Variants in STXBP4 observed in about 807,000 individuals in gnomAD.
STXBP4 encodes the protein syntaxin binding protein 4, also known as syntaxin-binding protein 4.
Under a neutral mutation model 76.1 loss-of-function variants are expected in STXBP4, and 55 were observed. The ratio of observed to expected loss-of-function variants is 0.72; its 90% CI spans 0.58 to 0.91. The LOEUF is 0.91. STXBP4 is among the 40% of genes least tolerant of loss of function. STXBP4 has a pLI of 0.00. For missense variants in STXBP4, 618 were observed against 636.9 expected, an observed-to-expected ratio of 0.97 and a Z score of 0.32; for synonymous variants, 201 against 220.2, an observed-to-expected ratio of 0.91 and a Z score of 0.77.
chr17:55,106,861 C>G (rs2079641442), intron 16 of STXBP4, among the ~76,000 whole-genome samples: 1 of 152,158 alleles, frequency 6.6e-6, no homozygotes. Context: ...TCTGGCTGCC[C>G]TTAACATTGT....
At chr17:55,138,052 A>G (rs1281448482) in intron 16 of STXBP4, among the ~76,000 whole-genome samples, 1 of 152,026 alleles carries the variant, frequency 6.6e-6, no homozygotes, top group African/African-American at 2.4e-5. Flanking sequence ...GTTATTTGTT[A>G]TTAATCTTAT....
chr17:55,131,407 T>C (rs1328217595), intron 16 of STXBP4, among the ~76,000 whole-genome samples: 1 of 152,210 alleles, frequency 6.6e-6, no homozygotes, highest in Non-Finnish European at 1.5e-5. Context: ...ATTTATGAAA[T>C]CACCTTGAGA....
At chr17:55,025,066 A>T (rs188296404) in intron 8 of STXBP4, among the ~76,000 whole-genome samples, 1 of 150,462 alleles carries the variant, frequency 6.6e-6, no homozygotes, top group Non-Finnish European at 1.5e-5. Context: ...GCATGAACCC[A>T]GGAGGCGGAG....
chr17:55,197,314 T>G, the STXBP4 span, among the ~76,000 whole-genome samples: 1 of 152,146 alleles, frequency 6.6e-6, no homozygotes, highest in East Asian at 1.9e-4. Flanking sequence ...AACATGAAAG[T>G]GACCAATGGG....
intron 17 of STXBP4, among the ~76,000 whole-genome samples, chr17:55,145,204 C>A (rs889103015): frequency 9.2e-5 from 14 of 152,190 alleles, no homozygotes; most frequent in African/African-American, 3.1e-4. Context: ...TTTTAATCTT[C>A]ATTCTCTTAC....
At chr17:54,972,432 A>G (rs1598136491) in intron 1 of STXBP4, among the ~76,000 whole-genome samples, 1 of 152,200 alleles carries the variant, frequency 6.6e-6, no homozygotes, top group Non-Finnish European at 1.5e-5. Context: ...TTTCCTTGCT[A>G]TACCATATAT....
intron 11 of STXBP4, among the ~76,000 whole-genome samples, chr17:55,046,640 A>C (rs979465890): frequency 6.6e-6 from 1 of 151,936 alleles, no homozygotes; most frequent in Non-Finnish European, 1.5e-5. Context: ...ATGCCTTTTC[A>C]TGGATAATCT....
chr17:55,193,372 CAA>C, the STXBP4 span, among the ~76,000 whole-genome samples: 4 of 151,928 alleles, frequency 2.6e-5, no homozygotes, highest in Non-Finnish European at 5.9e-5. Context: ...TGAAAGCAGG[CAA>C]AAAAGTTTGG....
At chr17:55,113,586 A>G (rs923110809) in intron 16 of STXBP4, among the ~76,000 whole-genome samples, 5 of 152,092 alleles carry the variant, frequency 3.3e-5, no homozygotes, top group Non-Finnish European at 7.4e-5. Context: ...CATAAGAGGG[A>G]AAATGTTAGT....
chr17:54,990,664 C>A (rs575299745), intron 3 of STXBP4, among the ~76,000 whole-genome samples, 161 bp from the exon 4 acceptor site: 49 of 152,292 alleles, frequency 3.2e-4, no homozygotes, highest in South Asian at 6.2e-4. Context: ...CCTCTCCCCC[C>A]ACCTTGGAAA....
At chr17:55,056,196 T>G (rs2078920754) in intron 12 of STXBP4, among the ~76,000 whole-genome samples, 1 of 152,298 alleles carries the variant, frequency 6.6e-6, no homozygotes, top group East Asian at 1.9e-4. Context: ...AATTTTAATA[T>G]ATTTTATTTA....
chr17:55,050,713 G>A (rs1274161598), intron 12 of STXBP4, among the ~76,000 whole-genome samples: 2 of 152,132 alleles, frequency 1.3e-5, no homozygotes, highest in Non-Finnish European at 2.9e-5. Context: ...TTCCATCCAG[G>A]CTGTAGTGCA....
At chr17:55,055,288 A>G (rs2078909679) in intron 12 of STXBP4, among the ~76,000 whole-genome samples, 1 of 152,168 alleles carries the variant, frequency 6.6e-6, no homozygotes, top group Admixed American at 6.6e-5. Flanking sequence ...GAGGACTGCC[A>G]TTTAAAATAT....
intron 12 of STXBP4, among the ~76,000 whole-genome samples, chr17:55,062,087 C>CTT (rs548684659): frequency 1.4e-5 from 2 of 144,058 alleles, no homozygotes; most frequent in African/African-American, 5.1e-5. Flanking sequence ...TCTTAAAAGG[C>CTT]TTTTTTTTTT....
chr17:55,056,728 C>G (rs1255277464), intron 12 of STXBP4, among the ~76,000 whole-genome samples: 7 of 152,062 alleles, frequency 4.6e-5, no homozygotes, highest in Non-Finnish European at 7.4e-5. Flanking sequence ...ACTGGCCAAG[C>G]CCAGTGGCTA....
intron 1 of STXBP4, among the ~76,000 whole-genome samples, chr17:54,983,422 C>T (rs932913526): frequency 2.0e-5 from 3 of 152,154 alleles, no homozygotes; most frequent in African/African-American, 4.8e-5. Context: ...GTTAGAACAA[C>T]TCACCAAAGA....
At position 55,052,873 on chromosome 17, in the gene STXBP4, G is replaced by C. The variant is rs369580302; in HGVS notation, c.1011+5719G>C. Among the ~76,000 whole-genome samples the C allele has an allele frequency of 9.8e-5, 12 of 122,488 alleles. No individual in the cohort carries two copies. In the East Asian group the frequency reaches 3.6e-3, roughly 36 times the overall value. The allele number at this position is 122,488 out of a possible 152,430, so 80.4% of individuals were successfully genotyped here. A position where few individuals can be genotyped will look rare whatever the true frequency, so the allele number is the denominator to read the frequency against. On this transcript the variant is annotated intron_variant, in intron 12 of 17. Transcript: ENST00000376352. ...GATGTCAGGCAAGCTCAAAATGAGA[G>C]AAAGTTTTGTTTAAAAAAAAAAAAA...
rs2080333658 is a variant in STXBP4 at position 55,161,177 on chromosome 17, G to T, written c.*1266G>T. ...GTATAATACAGATTTATATGGTAAA[G>T]ATATACATATACATTGTGCTCAACT... On this transcript the variant is annotated 3_prime_UTR_variant, in exon 18 of 18. Coordinates refer to ENST00000376352, the MANE Select transcript of STXBP4 (RefSeq NM_178509.6). The T allele has an allele frequency of 6.6e-6, 1 of 152,208 alleles. No homozygotes were observed. The highest frequency in any genetic ancestry group is 1.5e-5 in the Non-Finnish European group (1 of 68,044). 9.4% of individuals were successfully genotyped at this position (152,208 alleles called of 1,614,324 possible). A position where few individuals can be genotyped will look rare whatever the true frequency, so the allele number is the denominator to read the frequency against.
chr17:55,099,559 A>G (rs1010023868), intron 16 of STXBP4, among the ~76,000 whole-genome samples: 1 of 152,204 alleles, frequency 6.6e-6, no homozygotes. Context: ...GTACAGCAAA[A>G]ATACAGTATT....
Sources: allele counts gnomAD v4.1 joint callset (sites outside exome capture counted in the v4.1 genomes callset), GRCh38; gene constraint gnomAD v4.1.1; transcripts MANE v1.5; gene names NCBI Gene and HGNC (gene_info 2026-07-23, HGNC 2026-07-21).